IFT74: variants seen among roughly 807,000 people sequenced by gnomAD.
The protein encoded by IFT74 is intraflagellar transport protein 74 homolog.
A neutral mutation model predicts 96.7 loss-of-function variants in IFT74; 92 were observed. The ratio of observed to expected loss-of-function variants is 0.95; its 90% CI spans 0.80 to 1.13. The LOEUF is 1.13. Ranked by LOEUF, IFT74 falls within the 50% of genes most tolerant of loss-of-function variation. The pLI is 0.00. For synonymous variants in IFT74, 223 were observed against 213.2 expected, an observed-to-expected ratio of 1.05 and a Z score of -0.40; for missense variants, 811 against 698.2, an observed-to-expected ratio of 1.16 and a Z score of -1.82.
chr9:26,982,359 A>G, intron 4 of IFT74: 1 of 442,470 alleles, frequency 2.3e-6, no homozygotes, highest in South Asian at 1.6e-5. Context: ...CACCGCCTGG[A>G]TTCAAGTGAT....
At chr9:27,036,554 C>G in intron 13 of IFT74, 1 of 1,606,806 alleles carries the variant, frequency 6.2e-7, no homozygotes. Context: ...TCCATTTGAA[C>G]TGAAGAATAC....
chr9:26,964,835 G>T (rs575054650), intron 2 of IFT74, among the ~76,000 whole-genome samples: 3 of 152,062 alleles, frequency 2.0e-5, no homozygotes, highest in Non-Finnish European at 2.9e-5. Flanking sequence ...TGATTGCCAC[G>T]GCACCTGGAG....
chr9:26,947,908 C>T (rs1387840770), intron 1 of IFT74, among the ~76,000 whole-genome samples: 1 of 152,140 alleles, frequency 6.6e-6, no homozygotes, highest in Non-Finnish European at 1.5e-5. Context: ...ACAACCCCGC[C>T]GCCCACCCAC....
At chr9:27,054,541 G>C (rs770421485) in intron 16 of IFT74, among the ~76,000 whole-genome samples, 5 of 152,124 alleles carry the variant, frequency 3.3e-5, no homozygotes, top group Non-Finnish European at 5.9e-5. Flanking sequence ...GTAGATGCTT[G>C]ATATTTTTGA....
intron 13 of IFT74, among the ~76,000 whole-genome samples, chr9:27,042,914 C>G (rs1819539470): frequency 6.6e-6 from 1 of 152,128 alleles, no homozygotes; most frequent in Non-Finnish European, 1.5e-5. Context: ...TTTCTGTTTC[C>G]CACTCAAAAA....
At chr9:27,057,872 A>G (rs1283209171) in intron 18 of IFT74, among the ~76,000 whole-genome samples, 6 of 151,276 alleles carry the variant, frequency 4.0e-5, no homozygotes, top group African/African-American at 1.2e-4. Flanking sequence ...AAAAAACAAA[A>G]CTCTCTTTTT....
intron 13 of IFT74, among the ~76,000 whole-genome samples, chr9:27,037,833 A>G (rs900350223): frequency 6.6e-6 from 1 of 152,218 alleles, no homozygotes; most frequent in African/African-American, 2.4e-5. Context: ...TTTTATTCCT[A>G]AAATGAAGAA....
At chr9:27,062,237 G>A (rs1014716659) in intron 19 of IFT74, among the ~76,000 whole-genome samples, 3 of 152,190 alleles carry the variant, frequency 2.0e-5, no homozygotes, top group African/African-American at 4.8e-5. Flanking sequence ...TTGGAGCAGA[G>A]CGAAGTCTAG....
chr9:26,977,978 T>C (rs1378053969), intron 2 of IFT74, 150 bp from the exon 3 acceptor site: 10 of 598,740 alleles, frequency 1.7e-5, no homozygotes, highest in African/African-American at 3.8e-5. Context: ...AACAACAGTA[T>C]TTAATAATTC....
intron 1 of IFT74, among the ~76,000 whole-genome samples, chr9:26,948,658 G>C (rs1490832194): frequency 1.3e-5 from 2 of 151,524 alleles, no homozygotes; most frequent in Non-Finnish European, 2.9e-5. Flanking sequence ...GTAGAAACGA[G>C]TTTCACCATG....
intron 8 of IFT74, chr9:26,997,994 T>C (rs781601799): frequency 6.2e-6 from 10 of 1,613,950 alleles, no homozygotes; most frequent in Non-Finnish European, 8.5e-6. Context: ...TTGAATTACA[T>C]AGATGGAGTT....
intron 8 of IFT74, among the ~76,000 whole-genome samples, chr9:27,006,026 T>C (rs1828757744): frequency 6.6e-6 from 1 of 151,970 alleles, no homozygotes; most frequent in African/African-American, 2.4e-5. Context: ...GTATTTTTAG[T>C]AGAGATGCGG....
chr9:26,961,833 C>T (rs555122339), intron 1 of IFT74, 116 bp from the exon 2 acceptor site: 166 of 1,057,048 alleles, frequency 1.6e-4, no homozygotes, highest in Non-Finnish European at 2.2e-4. Context: ...TAGTGGTACA[C>T]AGAACGGCAG....
At chr9:27,006,207 G>T (rs368238355) in intron 8 of IFT74, among the ~76,000 whole-genome samples, 1 of 152,064 alleles carries the variant, frequency 6.6e-6, no homozygotes, top group East Asian at 1.9e-4. Context: ...TTTACTTACT[G>T]ATTTAGAGTT....
chr9:26,950,167 C>T (rs1416930793), intron 1 of IFT74, among the ~76,000 whole-genome samples: 1 of 152,048 alleles, frequency 6.6e-6, no homozygotes, highest in Non-Finnish European at 1.5e-5. Flanking sequence ...AAAAAGTTAG[C>T]CGGGTGTGGT....
chr9:27,036,829 A>G (rs1300840046), intron 13 of IFT74: 1 of 1,048,076 alleles, frequency 9.5e-7, no homozygotes, highest in Non-Finnish European at 1.1e-6. Flanking sequence ...AAGTGACACA[A>G]TAAAACAGAA....
chr9:26,959,092 G>T (rs1252256414), intron 1 of IFT74, among the ~76,000 whole-genome samples: 1 of 131,644 alleles, frequency 7.6e-6, no homozygotes, highest in Non-Finnish European at 1.6e-5. Context: ...TATTCTTTTT[G>T]TTGTTGTTGT....
At chr9:26,963,988 T>G (rs1191506982) in intron 2 of IFT74, among the ~76,000 whole-genome samples, 1 of 151,710 alleles carries the variant, frequency 6.6e-6, no homozygotes, top group Non-Finnish European at 1.5e-5. Context: ...TTTGTCAATT[T>G]TGGCTTTTGT....
chr9:26,966,884 G>T (rs1251074222), intron 2 of IFT74, among the ~76,000 whole-genome samples: 1 of 151,874 alleles, frequency 6.6e-6, no homozygotes, highest in Non-Finnish European at 1.5e-5. Flanking sequence ...TTTTGTCTAT[G>T]GATATCCAGT....
Sources: gnomAD v4.1 joint callset for allele counts (sites outside exome capture counted in the v4.1 genomes callset) on GRCh38, gnomAD v4.1.1 for gene constraint, MANE v1.5 for transcripts, NCBI Gene and HGNC (gene_info 2026-07-23, HGNC 2026-07-21) for gene names.